TMEM59: variants seen among roughly 807,000 people sequenced by gnomAD.
The protein encoded by TMEM59 is transmembrane protein 59.
In TMEM59, 44 loss-of-function variants were observed where a neutral mutation model predicts 42.2. The ratio of observed to expected loss-of-function variants is 1.04; its 90% CI spans 0.82 to 1.34. The LOEUF (loss-of-function observed/expected upper bound fraction) is 1.34. Among genes scored for constraint, TMEM59 ranks in the 40% most tolerant of loss-of-function variants. The pLI is 0.00. For synonymous variants in TMEM59, 148 were observed against 145.8 expected, an observed-to-expected ratio of 1.02 and a Z score of -0.11; for missense variants, 359 against 382.8, an observed-to-expected ratio of 0.94 and a Z score of 0.52.
At chr1:54,032,924 CTTTT>C (rs746149150) in intron 7 of TMEM59, among the ~76,000 whole-genome samples, 2 of 138,082 alleles carry the variant, frequency 1.4e-5, no homozygotes, top group Admixed American at 7.3e-5. Flanking sequence ...GTCTCTGTCT[CTTTT>C]TTTTTTTTTT....
intron 5 of TMEM59, among the ~76,000 whole-genome samples, chr1:54,041,227 C>T (rs1657127556): frequency 6.6e-6 from 1 of 152,154 alleles, no homozygotes; most frequent in Non-Finnish European, 1.5e-5. Context: ...GAGGAAATTT[C>T]ACAAGGTGAG....
Position 54,047,298 on chromosome 1 carries a change from G to A in TMEM59, c.264C>T (p.Asp88=), listed in dbSNP as rs1248085862. The A allele has an allele frequency of 6.2e-7, 1 of 1,613,926 alleles. No homozygotes were observed. The highest frequency in any genetic ancestry group is 1.7e-5 in the Admixed American group (1 of 59,954). Residue 88 remains aspartate, a synonymous_variant, in exon 2 of 8, where the codon GAC becomes GAT. Transcript: ENST00000234831. ...CACATTCCAATTTAGTTCGATTTAA[G>A]TCAATTCCATCATCCACAAACTGAC... is the stretch of plus-strand genomic sequence containing the variant. ...SICQFVDDGI[D]LNRTKLECES... is the part of the protein sequence containing the mutation.
chr1:54,033,237 T>C, intron 7 of TMEM59: 1 of 152,092 alleles, frequency 6.6e-6, no homozygotes, highest in Non-Finnish European at 1.5e-5. Context: ...TTGGGATACA[T>C]GTGTGAGCCA....
In TMEM59 at chr1:54,047,272, T is replaced by C; in HGVS notation, c.290A>G (p.Glu97Gly). 6.2e-7 allele frequency: 1 copy of C among 1,612,776 alleles called. No homozygotes were observed. The highest frequency in any genetic ancestry group is 1.3e-5 in the African/African-American group (1 of 74,974). The change falls in exon 2 of 8, where the codon GAA becomes GGA. Residue 97 changes from glutamate to glycine, a missense_variant. By Grantham distance (98) the Glu-to-Gly change is moderately conservative (BLOSUM62 -2). Coordinates refer to ENST00000234831, the MANE Select transcript of TMEM59 (RefSeq NM_004872.5). ...TCGTTAGCATAGCATCTTACCAGAT[T>C]CACATTCCAATTTAGTTCGATTTAA... ...IDLNRTKLEC[E>G]SACTEAYSQS...
intron 2 of TMEM59, among the ~76,000 whole-genome samples, chr1:54,046,880 A>G (rs41528748): frequency 0.03 from 4,552 of 152,364 alleles, 84 homozygotes; most frequent in African/African-American, 0.052. Context: ...TTAAATACTG[A>G]GTCAAAGGCC....
At chr1:54,038,616 G>A (rs1486943006) in intron 6 of TMEM59, among the ~76,000 whole-genome samples, 1 of 152,194 alleles carries the variant, frequency 6.6e-6, no homozygotes, top group East Asian at 1.9e-4. Flanking sequence ...GAGTGATTCT[G>A]TATGTAATCA....
rs1362353964 is a variant in TMEM59 at position 54,026,941 on chromosome 1, T to C, written c.*5209A>G. On this transcript the variant is annotated 3_prime_UTR_variant, in exon 8 of 8. Coordinates refer to ENST00000234831, the MANE Select transcript of TMEM59 (RefSeq NM_004872.5). ...CAAGAGGCAGTAAAATAAGCCCAAA[T>C]AATTGAGAATTGAACAAGAAAACAA... The C allele has an allele frequency of 1.3e-5, 2 of 152,138 alleles. No individual in the cohort carries two copies. Among genetic ancestry groups the C allele is most frequent in the Admixed American group, 1.3e-4 (2 of 15,270 alleles). The allele number at this position is 152,138 out of a possible 1,614,324, so 9.4% of individuals were successfully genotyped here.
chr1:54,043,655 A>C (rs1184755238), intron 3 of TMEM59, 130 bp from the exon 4 acceptor site: 2 of 521,372 alleles, frequency 3.8e-6, no homozygotes, highest in East Asian at 9.4e-5. Context: ...TACCATAATC[A>C]ATAGCATTAG....
At chr1:54,048,550 T>C (rs41294772) in intron 1 of TMEM59, 22,152 of 281,728 alleles carry the variant, frequency 0.079, 1,201 homozygotes, top group Non-Finnish European at 0.11. Flanking sequence ...CTGTAAAATA[T>C]TAACTGCTTA....
intron 4 of TMEM59, 65 bp from the exon 5 acceptor site, chr1:54,041,870 TA>T: frequency 7.9e-7 from 1 of 1,268,040 alleles, no homozygotes; most frequent in Non-Finnish European, 1.1e-6. Flanking sequence ...TAACAAGTTC[TA>T]AAACAAATCA....
intron 3 of TMEM59, chr1:54,043,753 C>A (rs985175725): frequency 1.1e-5 from 2 of 184,932 alleles, no homozygotes; most frequent in Non-Finnish European, 2.2e-5. Context: ...TTACTAGCTA[C>A]CTGTCACCTC....
chr1:54,026,722 C>T lies in TMEM59; in HGVS notation c.*5428G>A, dbSNP rs1656609687. 6.6e-6 allele frequency: 1 copy of T among 152,194 alleles called. No homozygotes were observed. Among genetic ancestry groups the T allele is most frequent in the Non-Finnish European group, 1.5e-5 (1 of 68,026 alleles). 9.4% of individuals were successfully genotyped at this position (152,194 alleles called of 1,614,324 possible). On this transcript the variant is annotated 3_prime_UTR_variant, in exon 8 of 8. Transcript: ENST00000234831. ...ATGATCCAAGTTTTATTAAAGTTTA[C>T]ATACTTAAGCATAAATAAATTAACA...
At chr1:54,043,646 A>G in intron 3 of TMEM59, 121 bp from the exon 4 acceptor site, 1 of 563,764 alleles carries the variant, frequency 1.8e-6, no homozygotes, top group Non-Finnish European at 2.6e-6. Flanking sequence ...AAATACATCT[A>G]CCATAATCAA....
intron 5 of TMEM59, 69 bp downstream of exon 5, chr1:54,041,655 T>C (rs1239221389): frequency 3.1e-6 from 4 of 1,276,230 alleles, no homozygotes; most frequent in African/African-American, 1.5e-5. Context: ...AAAACAAACA[T>C]GACCAACTCT....
At chr1:54,047,207 A>C in intron 2 of TMEM59, 60 bp downstream of exon 2, 1 of 1,375,880 alleles carries the variant, frequency 7.3e-7, no homozygotes, top group Non-Finnish European at 1.0e-6. Flanking sequence ...AATACTTCAA[A>C]AGCTTATCAC....
In TMEM59 at chr1:54,053,042, G is replaced by C. The variant is rs762219534; in HGVS notation, c.147C>G (p.His49Gln). ...AGGGGTAGGTCAACTGACAGGCCCG[G>C]TGGCAAGACGCCGTATCACCCAAGA... is the stretch of plus-strand genomic sequence containing the variant. ...DSVLGDTASC[H>Q]RACQLTYPLH... Residue 49 changes from histidine (H) to glutamine (Q), a missense_variant, in exon 1 of 8, where the codon CAC becomes CAG. Coordinates refer to ENST00000234831, the MANE Select transcript of TMEM59 (RefSeq NM_004872.5). 2.5e-5 allele frequency: 40 copies of C among 1,614,100 alleles called. No homozygotes were observed. The highest frequency in any genetic ancestry group is 3.3e-5 in the Non-Finnish European group (39 of 1,180,024).
At chr1:54,042,778 A>C (rs2100319246) in intron 4 of TMEM59, among the ~76,000 whole-genome samples, 1 of 152,324 alleles carries the variant, frequency 6.6e-6, no homozygotes, top group African/African-American at 2.4e-5. Flanking sequence ...AACTGCAACA[A>C]GTTACTCTCA....
Position 54,029,517 on chromosome 1 carries a change from A to C in TMEM59, c.*2633T>G, listed in dbSNP as rs1416367415. 1 of 152,204 alleles carries C rather than the reference A, an allele frequency of 6.6e-6. No individual in the cohort carries two copies. The highest frequency in any genetic ancestry group is 1.5e-5 in the Non-Finnish European group (1 of 68,040). The allele number at this position is 152,204 out of a possible 1,614,324, so 9.4% of individuals were successfully genotyped here. ...AAATAAGATTATGACTGTTTTATGG[A>C]AACAAGGAGCTAAGTAAAGTTAGGC... On this transcript the variant is annotated 3_prime_UTR_variant, in exon 8 of 8. Transcript: ENST00000234831.
rs1193748914 is a variant in TMEM59, at chr1:54,030,835, A to C, written c.*1315T>G. ...TAAAGACTAGGCCATAGGAGGAGTG[A>C]CTAACTTATTCTTTAGTCAAACAGC... On this transcript the variant is annotated 3_prime_UTR_variant, in exon 8 of 8. Coordinates refer to ENST00000234831, the MANE Select transcript of TMEM59 (RefSeq NM_004872.5). 6.6e-6 allele frequency: 1 copy of C among 152,228 alleles called. No homozygotes were observed. Among genetic ancestry groups the C allele is most frequent in the East Asian group, 1.9e-4 (1 of 5,202 alleles). 9.4% of individuals were successfully genotyped at this position (152,228 alleles called of 1,614,324 possible).
Sources: gnomAD v4.1 joint callset for allele counts (sites outside exome capture counted in the v4.1 genomes callset) on GRCh38, gnomAD v4.1.1 for gene constraint, MANE v1.5 for transcripts, NCBI Gene and HGNC (gene_info 2026-07-23, HGNC 2026-07-21) for gene names.